Variants in RANBP10 observed in about 807,000 individuals in gnomAD.
RANBP10 encodes the protein ran-binding protein 10.
In RANBP10, 24 loss-of-function variants were observed where a neutral mutation model predicts 72.8. That is an observed-to-expected ratio of 0.33 (90% CI 0.24 to 0.46). The LOEUF (loss-of-function observed/expected upper bound fraction) is 0.46. Among genes scored for constraint, RANBP10 ranks in the 20% least tolerant of loss-of-function variants. The pLI, the probability that RANBP10 is intolerant of heterozygous loss-of-function variation, is 1.00. For synonymous variants in RANBP10, 310 were observed against 322.3 expected, an observed-to-expected ratio of 0.96 and a Z score of 0.41; for missense variants, 679 against 817.5, an observed-to-expected ratio of 0.83 and a Z score of 2.07.
chr16:67,805,657 C>T, intron 1 of RANBP10, 118 bp from the exon 2 acceptor site: 2 of 777,986 alleles, frequency 2.6e-6, no homozygotes, highest in Non-Finnish European at 2.1e-6. Context: ...GACGCACTTA[C>T]ACAGGCCGAG....
At chr16:67,797,862 C>T (rs1402282675) in intron 2 of RANBP10, among the ~76,000 whole-genome samples, 1 of 151,552 alleles carries the variant, frequency 6.6e-6, no homozygotes, top group Non-Finnish European at 1.5e-5. Flanking sequence ...TGATGGCATG[C>T]ACCTGTAGTC....
rs932536814 is a variant in RANBP10 at position 67,724,484 on chromosome 16, C to T, written c.*1944G>A. On this transcript the variant is annotated 3_prime_UTR_variant, in exon 14 of 14. Transcript: ENST00000317506. ...GATCATTTAAACAGCCTGATGTCTC[C>T]AACTTCTGGGTTTGGGAGCTAGGTA... The T allele has an allele frequency of 2.6e-5, 4 of 152,210 alleles. No individual in the cohort carries two copies. The highest frequency in any genetic ancestry group is 5.9e-5 in the Non-Finnish European group (4 of 68,046). 9.4% of individuals were successfully genotyped at this position (152,210 alleles called of 1,614,324 possible). A position where few individuals can be genotyped will look rare whatever the true frequency, so the allele number is the denominator to read the frequency against.
Position 67,729,367 on chromosome 16 carries a change from G to C in RANBP10, c.1265C>G (p.Ser422Cys), listed in dbSNP as rs1374122290. ...CTCGGAGTAATTGACGGAGGATGGG[G>C]AAGAGGACGAGGAGGAGGAGGAGGA... ...SSSSSSSSSS[S>C]PSSVNYSESN... The change falls in exon 10 of 14, where the codon TCC becomes TGC. Residue 422 changes from serine (S) to cysteine (C), a missense_variant. Coordinates refer to ENST00000317506, the MANE Select transcript of RANBP10 (RefSeq NM_020850.3). This position sits in a 1 kb window ranked among gnomAD's most constrained non-coding sequence, Gnocchi z 7.1. The C allele has an allele frequency of 3.1e-6, 5 of 1,613,002 alleles. No homozygotes were observed. Among genetic ancestry groups the C allele is most frequent in the Non-Finnish European group, 4.2e-6 (5 of 1,179,382 alleles).
chr16:67,748,730 G>A (rs1266763659), intron 3 of RANBP10, among the ~76,000 whole-genome samples: 2 of 152,162 alleles, frequency 1.3e-5, no homozygotes, highest in Non-Finnish European at 2.9e-5. Flanking sequence ...CATGAGTACA[G>A]GTGGGGCAGG....
At position 67,772,090 on chromosome 16, in the gene RANBP10, CAAA is replaced by C. The variant is rs35741053; in HGVS notation, c.348-7_348-5del. ...CGAGAGTCCTATTCCCATGTAACTT[CAAA>C]AAAAAAAAAAAAAAAAACACAAAAT... On this transcript the variant is annotated splice_polypyrimidine_tract_variant and splice_region_variant and intron_variant, in intron 2 of 13. Coordinates refer to ENST00000317506, the MANE Select transcript of RANBP10 (RefSeq NM_020850.3). 2,066 of 1,304,532 alleles carry C rather than the reference CAAA, an allele frequency of 1.6e-3. No homozygotes were observed. Among genetic ancestry groups the C allele is most frequent in the Middle Eastern group, 5.5e-3 (22 of 3,982 alleles). The allele number at this position is 1,304,532 out of a possible 1,614,324, so 80.8% of individuals were successfully genotyped here. A position where few individuals can be genotyped will look rare whatever the true frequency, so the allele number is the denominator to read the frequency against.
intron 2 of RANBP10, among the ~76,000 whole-genome samples, chr16:67,802,933 C>G (rs764152816): frequency 6.6e-6 from 1 of 152,186 alleles, no homozygotes; most frequent in Non-Finnish European, 1.5e-5. Context: ...GGTCTCTGCT[C>G]TCTACCTAGA....
intron 3 of RANBP10, among the ~76,000 whole-genome samples, chr16:67,765,677 A>G (rs1472438520): frequency 6.6e-6 from 1 of 151,822 alleles, no homozygotes; most frequent in Non-Finnish European, 1.5e-5. Flanking sequence ...TCTACTAAAA[A>G]TACAAAAAAG....
At chr16:67,732,278 G>C (rs1475738190) in intron 6 of RANBP10, among the ~76,000 whole-genome samples, 1 of 152,178 alleles carries the variant, frequency 6.6e-6, no homozygotes, top group Non-Finnish European at 1.5e-5. Context: ...CACAGTCATT[G>C]GGAAATGGTC....
Position 67,806,380 on chromosome 16 carries a change from G to C in RANBP10, c.157C>G (p.Leu53Val). Residue 53 changes from leucine (L) to valine (V), a missense_variant, in exon 1 of 14, where the codon CTG (leucine) becomes GTG (valine). Physicochemically the swap from Leu to Val is conservative, Grantham distance 32. Transcript: ENST00000317506. Reference sequence around the variant, plus strand: ...TCCTTGGGGCTCCAGGAGCGCGGCAGCGGAGTCTCTTGCTGGTTGACCGCG... The same window carrying C: ...TCCTTGGGGCTCCAGGAGCGCGGCACCGGAGTCTCTTGCTGGTTGACCGCG... ...YPAVNQQETP[L>V]PRSWSPKDKY... 2 of 1,612,582 alleles carry C rather than the reference G, an allele frequency of 1.2e-6. No homozygotes were observed. Among genetic ancestry groups the C allele is most frequent in the Non-Finnish European group, 1.7e-6 (2 of 1,179,410 alleles).
chr16:67,734,777 A>G (rs1455793945), intron 6 of RANBP10, 81 bp downstream of exon 6: 3 of 1,333,446 alleles, frequency 2.2e-6, no homozygotes, highest in Middle Eastern at 2.7e-4. Flanking sequence ...TTGTAAGAAC[A>G]GCTTGTAGCC....
chr16:67,742,071 T>C (rs1293732029), intron 4 of RANBP10, among the ~76,000 whole-genome samples: 2 of 151,814 alleles, frequency 1.3e-5, no homozygotes, highest in African/African-American at 4.8e-5. Context: ...AACTAAGTGA[T>C]TCTTTTTTTT....
At position 67,730,158 on chromosome 16, in the gene RANBP10, G is replaced by T; in HGVS notation, c.890-112C>A. The T allele has an allele frequency of 2.3e-6, 2 of 869,852 alleles. No individual in the cohort carries two copies. The highest frequency in any genetic ancestry group is 3.6e-6 in the Non-Finnish European group (2 of 551,012). The allele number at this position is 869,852 out of a possible 1,614,324, so 53.9% of individuals were successfully genotyped here. On this transcript the variant is annotated intron_variant, in intron 7 of 13. Transcript: ENST00000317506. The surrounding 1 kb of genome is among the most constrained non-coding windows in gnomAD (Gnocchi z 4.3). ...GGGTCCGGCTCAGAGTGCCTCGCCA[G>T]CTTGAAATGCTCACAGGAGAGGAGG... is the stretch of plus-strand genomic sequence containing the variant.
intron 11 of RANBP10, 58 bp downstream of exon 11, chr16:67,728,332 A>G: frequency 1.3e-6 from 2 of 1,575,744 alleles, no homozygotes; most frequent in Non-Finnish European, 1.7e-6. Context: ...CCAGGGGAAG[A>G]GGGCACCCAG....
intron 12 of RANBP10, 116 bp downstream of exon 12, chr16:67,727,635 T>C (rs1306063494): frequency 2.0e-6 from 3 of 1,515,226 alleles, no homozygotes; most frequent in Non-Finnish European, 2.7e-6. Context: ...CCCACTTCCC[T>C]CTGCAGACCT....
chr16:67,763,691 C>G (rs2054442537), intron 3 of RANBP10, among the ~76,000 whole-genome samples: 1 of 152,048 alleles, frequency 6.6e-6, no homozygotes, highest in South Asian at 2.1e-4. Flanking sequence ...ACTCAGGTAT[C>G]TGATTATTTG....
At chr16:67,782,718 G>T (rs545913355) in intron 2 of RANBP10, among the ~76,000 whole-genome samples, 8 of 151,820 alleles carry the variant, frequency 5.3e-5, no homozygotes, top group African/African-American at 1.9e-4. Flanking sequence ...TTCCCAAAGT[G>T]CTGGGATTAC....
chr16:67,748,149 G>A (rs894314978), intron 3 of RANBP10, among the ~76,000 whole-genome samples: 2 of 151,728 alleles, frequency 1.3e-5, no homozygotes, highest in South Asian at 2.1e-4. Context: ...AATGCCTTTC[G>A]AAGGTGGGCT....
At chr16:67,796,597 G>A (rs1193564511) in intron 2 of RANBP10, among the ~76,000 whole-genome samples, 1 of 152,206 alleles carries the variant, frequency 6.6e-6, no homozygotes, top group African/African-American at 2.4e-5. Flanking sequence ...ACAAGAACAA[G>A]TGCTACTGTC....
intron 2 of RANBP10, among the ~76,000 whole-genome samples, chr16:67,777,356 A>G (rs1295716176): frequency 6.6e-6 from 1 of 151,564 alleles, no homozygotes; most frequent in Admixed American, 6.6e-5. Context: ...CTAACATGGT[A>G]AAACCCCGTC....
Sources: allele counts gnomAD v4.1 joint callset (sites outside exome capture counted in the v4.1 genomes callset), GRCh38; gene constraint gnomAD v4.1.1; non-coding constraint Gnocchi (gnomAD v3.1); transcripts MANE v1.5; gene names NCBI Gene and HGNC (gene_info 2026-07-23, HGNC 2026-07-21).